The following DENND2C variants were observed in gnomAD, a reference collection of about 807,000 sequenced individuals.
The protein encoded by DENND2C is DENN domain-containing protein 2C.
Under a neutral mutation model 112.4 loss-of-function variants are expected in DENND2C, and 72 were observed. That is an observed-to-expected ratio of 0.64 (90% CI 0.53 to 0.78). The LOEUF (loss-of-function observed/expected upper bound fraction) is 0.78, where lower values mean the gene tolerates loss of function less well. Among genes scored for constraint, DENND2C ranks in the 30% least tolerant of loss-of-function variants. DENND2C has a pLI of 0.00. For synonymous variants in DENND2C, 329 were observed against 381.6 expected (o/e 0.86, Z 1.61); for missense variants, 992 against 1,113.8 (o/e 0.89, Z 1.56).
At chr1:114,656,548 C>A (rs551417565) in intron 1 of DENND2C, among the ~76,000 whole-genome samples, 1 of 151,792 alleles carries the variant, frequency 6.6e-6, no homozygotes, top group South Asian at 2.1e-4. Flanking sequence ...AGGCATGCAC[C>A]ACCACGCCCA....
chr1:114,623,374 C>A, intron 5 of DENND2C, 133 bp downstream of exon 5: 1 of 844,118 alleles, frequency 1.2e-6, no homozygotes, highest in South Asian at 2.1e-5. Context: ...ATTTATACAC[C>A]AAACGTTTCC....
chr1:114,587,134 T>G (rs1451569920), intron 20 of DENND2C: 2 of 437,682 alleles, frequency 4.6e-6, no homozygotes, highest in African/African-American at 4.0e-5. Flanking sequence ...ACTCCTAACC[T>G]CAGGTGATCA....
intron 4 of DENND2C, 30 bp downstream of exon 4, chr1:114,625,149 C>G (rs781234031): frequency 6.5e-7 from 1 of 1,549,132 alleles, no homozygotes; most frequent in Non-Finnish European, 8.7e-7. Flanking sequence ...AAAATACCTA[C>G]AAGTCTTTAT....
chr1:114,619,534 C>A (rs574842204), intron 7 of DENND2C, among the ~76,000 whole-genome samples: 1 of 152,032 alleles, frequency 6.6e-6, no homozygotes, highest in Admixed American at 6.6e-5. Context: ...ACTCACCCCC[C>A]AAAAAACATG....
At chr1:114,662,926 C>T (rs1393175399) in intron 1 of DENND2C, among the ~76,000 whole-genome samples, 2 of 151,582 alleles carry the variant, frequency 1.3e-5, no homozygotes, top group African/African-American at 4.9e-5. Flanking sequence ...TGCCACTGCA[C>T]TCCAGCCTGG....
Position 114,585,550 on chromosome 1 carries a change from T to C in DENND2C, c.*50A>G. On this transcript the variant is annotated 3_prime_UTR_variant, in exon 21 of 21. Coordinates refer to ENST00000393274, the MANE Select transcript of DENND2C (RefSeq NM_001256404.2). ...GGGATCCTGACCCTTAGAAAAATAT[T>C]TTCTTTGGCACTTTCTGTTGTATAT... 1 of 1,598,498 alleles carries C rather than the reference T, an allele frequency of 6.3e-7. No individual in the cohort carries two copies. The highest frequency in any genetic ancestry group is 8.6e-7 in the Non-Finnish European group (1 of 1,168,432).
intron 7 of DENND2C, among the ~76,000 whole-genome samples, chr1:114,619,553 A>G (rs1445834098): frequency 2.0e-5 from 3 of 152,196 alleles, no homozygotes; most frequent in East Asian, 1.9e-4. Flanking sequence ...TGCAAGAAAC[A>G]TATGCTTCCA....
intron 18 of DENND2C, among the ~76,000 whole-genome samples, chr1:114,592,731 T>A (rs1439889904): frequency 6.6e-6 from 1 of 151,946 alleles, no homozygotes; most frequent in Non-Finnish European, 1.5e-5. Context: ...AAAATAAAAA[T>A]AAAAATAATA....
At chr1:114,644,251 CTA>C (rs750358861) in intron 3 of DENND2C, among the ~76,000 whole-genome samples, 7 of 152,118 alleles carry the variant, frequency 4.6e-5, no homozygotes, top group African/African-American at 2.4e-5. Flanking sequence ...ACATGATTTT[CTA>C]TGTCTTCACT....
At chr1:114,611,013 GCC>G in intron 9 of DENND2C, 58 bp downstream of exon 9, 1 of 1,582,646 alleles carries the variant, frequency 6.3e-7, no homozygotes, top group South Asian at 1.1e-5. Flanking sequence ...AAAGGTAGGT[GCC>G]ACTCCACCTA....
At chr1:114,661,043 G>A (rs926741004) in intron 1 of DENND2C, among the ~76,000 whole-genome samples, 13 of 151,284 alleles carry the variant, frequency 8.6e-5, no homozygotes, top group Non-Finnish European at 1.8e-4. Context: ...CCCGGGAGGC[G>A]GAGGTTGCAG....
chr1:114,615,455 CTT>C (rs1655939140), intron 8 of DENND2C, among the ~76,000 whole-genome samples: 2 of 152,166 alleles, frequency 1.3e-5, no homozygotes, highest in Admixed American at 6.5e-5. Flanking sequence ...GTCTTAGCTT[CTT>C]TGTTTGTAAA....
intron 2 of DENND2C, among the ~76,000 whole-genome samples, chr1:114,651,754 G>A (rs1657172164): frequency 6.6e-6 from 1 of 152,088 alleles, no homozygotes; most frequent in Admixed American, 6.5e-5. Flanking sequence ...AAAGAAAAAG[G>A]AAAAGTTATT....
At chr1:114,626,969 C>T (rs772124378) in intron 3 of DENND2C, among the ~76,000 whole-genome samples, 14 of 152,292 alleles carry the variant, frequency 9.2e-5, no homozygotes, top group African/African-American at 2.2e-4. Flanking sequence ...TCCTGTCCTA[C>T]GTTGATTAAT....
chr1:114,627,636 AT>A (rs1656382995), intron 3 of DENND2C, among the ~76,000 whole-genome samples: 3 of 152,108 alleles, frequency 2.0e-5, no homozygotes, highest in African/African-American at 7.2e-5. Context: ...GCTCATGTGG[AT>A]GAAAAAAAAT....
intron 1 of DENND2C, among the ~76,000 whole-genome samples, chr1:114,665,855 T>C (rs1415607341): frequency 2.0e-5 from 3 of 152,142 alleles, no homozygotes; most frequent in Non-Finnish European, 2.9e-5. Context: ...TTCTACATAC[T>C]CCCTTGAGCA....
At chr1:114,660,252 TTCAATATATTC>T (rs1657456817) in intron 1 of DENND2C, among the ~76,000 whole-genome samples, 1 of 152,202 alleles carries the variant, frequency 6.6e-6, no homozygotes, top group South Asian at 2.1e-4. Context: ...ATTAACAACT[TTCAATATATTC>T]ATGAGATTCA....
chr1:114,649,724 C>T (rs1364620713), intron 2 of DENND2C, among the ~76,000 whole-genome samples: 1 of 151,836 alleles, frequency 6.6e-6, no homozygotes, highest in African/African-American at 2.4e-5. Flanking sequence ...AAATTCTTAG[C>T]AAGACACTGA....
At chr1:114,624,495 C>T (rs1656273588) in intron 4 of DENND2C, among the ~76,000 whole-genome samples, 1 of 151,798 alleles carries the variant, frequency 6.6e-6, no homozygotes, top group Non-Finnish European at 1.5e-5. Context: ...CAGGGTCTCA[C>T]TATGTTGCCC....
Sources: allele counts gnomAD v4.1 joint callset (sites outside exome capture counted in the v4.1 genomes callset), GRCh38; gene constraint gnomAD v4.1.1; transcripts MANE v1.5; gene names NCBI Gene and HGNC (gene_info 2026-07-23, HGNC 2026-07-21).